PHLPP1: variants seen among roughly 807,000 people sequenced by gnomAD.
PHLPP1 encodes PH domain leucine-rich repeat-containing protein phosphatase 1.
In PHLPP1, 42 loss-of-function variants were observed where a neutral mutation model predicts 117.2. That is an observed-to-expected ratio of 0.36 (90% CI 0.28 to 0.46). The LOEUF is 0.46. Ranked by LOEUF, PHLPP1 falls within the 20% of genes least tolerant of loss-of-function variation. PHLPP1 has a pLI of 1.00. For synonymous variants in PHLPP1, 1,042 were observed against 970.7 expected (o/e 1.07, Z -1.37); for missense variants, 2,084 against 2,241.9 (o/e 0.93, Z 1.42).
At chr18:62,885,231 A>G (rs1254130564) in intron 4 of PHLPP1, among the ~76,000 whole-genome samples, 1 of 152,226 alleles carries the variant, frequency 6.6e-6, no homozygotes, top group Non-Finnish European at 1.5e-5. Flanking sequence ...ACTGTAAAAC[A>G]TTGGCTTTTT....
chr18:62,757,496 G>A (rs992847941), intron 1 of PHLPP1, among the ~76,000 whole-genome samples: 3 of 152,146 alleles, frequency 2.0e-5, no homozygotes, highest in African/African-American at 7.2e-5. Flanking sequence ...CTACCCATTT[G>A]TATGGGGTGT....
intron 1 of PHLPP1, among the ~76,000 whole-genome samples, chr18:62,766,076 A>AAAAAAAAAAAAAATATATAT: frequency 1.4e-4 from 3 of 21,662 alleles, no homozygotes; most frequent in African/African-American, 4.5e-4. Flanking sequence ...AAAAAAAAAA[A>AAAAAAAAAAAAAATATATAT]ATATATATAT....
intron 12 of PHLPP1, among the ~76,000 whole-genome samples, chr18:62,948,655 G>A (rs1483287088): frequency 6.6e-6 from 1 of 151,584 alleles, no homozygotes; most frequent in African/African-American, 2.4e-5. Context: ...CCAGTAGATA[G>A]AAGTTTTGTT....
chr18:62,888,834 T>G (rs967223399), intron 4 of PHLPP1, among the ~76,000 whole-genome samples: 1 of 152,244 alleles, frequency 6.6e-6, no homozygotes, highest in Non-Finnish European at 1.5e-5. Context: ...GGCTGTCTCC[T>G]TTGCATTCTT....
At chr18:62,801,026 TC>T (rs1913764052) in intron 1 of PHLPP1, among the ~76,000 whole-genome samples, 5 of 14,426 alleles carry the variant, frequency 3.5e-4, no homozygotes, top group Non-Finnish European at 6.9e-4. Flanking sequence ...CCTCCCTCCC[TC>T]CCTCCCTCCC....
chr18:62,766,413 G>A (rs1040475113), intron 1 of PHLPP1, among the ~76,000 whole-genome samples: 9 of 151,714 alleles, frequency 5.9e-5, no homozygotes, highest in African/African-American at 1.9e-4. Flanking sequence ...ACTTATCTTC[G>A]AGTTTGGAAA....
At chr18:62,896,289 G>A (rs1420740591) in intron 6 of PHLPP1, among the ~76,000 whole-genome samples, 4 of 114,128 alleles carry the variant, frequency 3.5e-5, no homozygotes, top group African/African-American at 1.2e-4. Context: ...TTTTTTTGTT[G>A]TTCTTGTTTT....
chr18:62,789,132 CA>C (rs1913385150), intron 1 of PHLPP1, among the ~76,000 whole-genome samples: 1 of 152,096 alleles, frequency 6.6e-6, no homozygotes, highest in Non-Finnish European at 1.5e-5. Context: ...GATGAGCACA[CA>C]GGGGGTGGGG....
At chr18:62,850,714 G>A (rs1915323705) in intron 3 of PHLPP1, among the ~76,000 whole-genome samples, 1 of 152,164 alleles carries the variant, frequency 6.6e-6, no homozygotes, top group South Asian at 2.1e-4. Context: ...GTGTGTGGAA[G>A]GGAGATAACT....
chr18:62,786,433 GA>G (rs1306328626), intron 1 of PHLPP1, among the ~76,000 whole-genome samples: 1 of 152,110 alleles, frequency 6.6e-6, no homozygotes, highest in Non-Finnish European at 1.5e-5. Context: ...TTTTGGTTGA[GA>G]GTTAAGTCCA....
rs774046752 is a variant in PHLPP1, at chr18:62,978,337, C to T, written c.4060C>T (p.Arg1354Cys). Residue 1354 changes from arginine (R) to cysteine (C), a missense_variant, in exon 17 of 17, where the codon CGC (arginine) becomes TGC (cysteine). Around this residue, in one of 2 missense-constraint regions of PHLPP1, gnomAD observed 1,365 missense variants for 1,605.9 expected, o/e 0.85. Transcript: ENST00000262719. The surrounding 1 kb of genome is among the most constrained non-coding windows in gnomAD (Gnocchi z 7.0). Reference sequence around the variant, plus strand: ...CTTCCTCCATCCCAGTGTGGTGCCTCGCCCCCACGTGCAGTCCGTGCTCCT... The same window carrying T: ...CTTCCTCCATCCCAGTGTGGTGCCTTGCCCCCACGTGCAGTCCGTGCTCCT... ...YTFLHPSVVP[R>C]PHVQSVLLTP... 32 of 1,612,432 alleles carry T rather than the reference C, an allele frequency of 2.0e-5. No homozygotes were observed. The highest frequency in any genetic ancestry group is 8.8e-5 in the South Asian group (8 of 90,856).
chr18:62,972,623 A>G lies in PHLPP1; in HGVS notation c.3670A>G (p.Thr1224Ala), dbSNP rs747243991. Residue 1224 changes from threonine to alanine, a missense_variant, in exon 15 of 17, where the codon ACT becomes GCT. Around this residue, in one of 2 missense-constraint regions of PHLPP1, gnomAD observed 1,365 missense variants for 1,605.9 expected, o/e 0.85. Transcript: ENST00000262719. ...GGAGGTGCCCTACCTTCTCCAGTGC[A>G]CTATGAGTGACATTTTGGCTGAAGA... ...NVEVPYLLQC[T>A]MSDILAEELQ... is the part of the protein sequence containing the mutation. The G allele has an allele frequency of 1.9e-6, 3 of 1,613,860 alleles. No individual in the cohort carries two copies. The highest frequency in any genetic ancestry group is 1.7e-6 in the Non-Finnish European group (2 of 1,179,844).
intron 4 of PHLPP1, among the ~76,000 whole-genome samples, chr18:62,861,862 T>A (rs1915640178): frequency 6.6e-6 from 1 of 152,350 alleles, no homozygotes; most frequent in Non-Finnish European, 1.5e-5. Context: ...AAATGGAATC[T>A]AAAACCCTAT....
chr18:62,824,063 T>C (rs1423189211), intron 1 of PHLPP1: 34 of 386,524 alleles, frequency 8.8e-5, no homozygotes, highest in African/African-American at 6.7e-4. Flanking sequence ...ACCTGGGAGG[T>C]GGAGGTTGCA....
chr18:62,903,825 T>C (rs2586984), intron 7 of PHLPP1, among the ~76,000 whole-genome samples: 73,702 of 151,196 alleles, frequency 0.49, 17,995 homozygotes, highest in Middle Eastern at 0.58. Context: ...TAGAATGATA[T>C]ATGCACAAGA....
intron 4 of PHLPP1, among the ~76,000 whole-genome samples, chr18:62,870,826 C>T (rs1412971233): frequency 2.0e-5 from 3 of 152,188 alleles, no homozygotes; most frequent in African/African-American, 7.2e-5. Flanking sequence ...ACACACAGGT[C>T]AGCAGTTTCA....
intron 1 of PHLPP1, among the ~76,000 whole-genome samples, chr18:62,772,779 T>C (rs972107969): frequency 2.8e-5 from 4 of 140,434 alleles, no homozygotes; most frequent in Middle Eastern, 3.5e-3. Flanking sequence ...TACAGTGAGC[T>C]GAGATTGTGC....
At chr18:62,746,926 G>A (rs1911692271) in intron 1 of PHLPP1, among the ~76,000 whole-genome samples, 1 of 152,158 alleles carries the variant, frequency 6.6e-6, no homozygotes, top group African/African-American at 2.4e-5. Flanking sequence ...TCTAATGGTT[G>A]TAGCTATATT....
intron 8 of PHLPP1, among the ~76,000 whole-genome samples, chr18:62,912,886 G>T (rs1295152315): frequency 5.3e-5 from 8 of 152,228 alleles, no homozygotes; most frequent in Non-Finnish European, 1.2e-4. Flanking sequence ...CTCCCAAAGG[G>T]CTGGGATTAT....
Sources: gnomAD v4.1 joint callset for allele counts (sites outside exome capture counted in the v4.1 genomes callset) on GRCh38, gnomAD v4.1.1 for gene constraint, gnomAD v4.1.1 regional missense constraint, Gnocchi (gnomAD v3.1) non-coding constraint, MANE v1.5 for transcripts, NCBI Gene and HGNC (gene_info 2026-07-23, HGNC 2026-07-21) for gene names.